CGB1: variants seen among roughly 807,000 people sequenced by gnomAD.
CGB1 encodes choriogonadotropin subunit beta variant 1.
CGB1 carries 4 observed loss-of-function variants against 7.0 expected under a neutral mutation model. The ratio of observed to expected loss-of-function variants is 0.57; its 90% confidence interval spans 0.28 to 1.31. The LOEUF (loss-of-function observed/expected upper bound fraction) is 1.31, where lower values mean the gene tolerates loss of function less well. Ranked by LOEUF, CGB1 falls within the 50% of genes most tolerant of loss-of-function variation. The pLI, the probability that CGB1 is intolerant of heterozygous loss-of-function variation, is 0.10. For synonymous variants in CGB1, 72 were observed against 96.4 expected (o/e 0.75, Z 1.48); for missense variants, 139 against 219.1 (o/e 0.63, Z 2.31).
chr19:49,036,193 G>A lies in CGB1; in HGVS notation c.120C>T (p.Gly40=), dbSNP rs148640164. ...INATLAVEKE[G]CPVCITVNTT... The stretch of plus-strand genomic sequence containing the variant: ...TGTTGACGGTGATGCACACGGGGCA[G>A]CCCTCCTTCTCCACAGCCAGGGTGG... The change falls in exon 2 of 3, where the codon GGC becomes GGT. Residue 40 remains glycine, a synonymous_variant. Coordinates refer to ENST00000301407, the MANE Select transcript of CGB1 (RefSeq NM_033377.2). 28 of 1,610,032 alleles carry A rather than the reference G, an allele frequency of 1.7e-5. No homozygotes were observed. The African/African-American group carries it at 3.5e-4, about 20-fold the overall frequency.
chr19:49,035,720 C>A lies in CGB1; in HGVS notation c.358G>T (p.Gly120Cys). The A allele has an allele frequency of 1.2e-6, 2 of 1,608,612 alleles. No homozygotes were observed. The highest frequency in any genetic ancestry group is 1.1e-5 in the South Asian group (1 of 90,818). ...CAGGTCAAGGGGTGGTCCTTGGGAC[C>A]CCCGCAGTCAGTGGTGCTGCGGCGG... ...LCRRSTTDCG[G>C]PKDHPLTCDD... is the part of the protein sequence containing the mutation. The change falls in exon 3 of 3, where the codon GGT (glycine) becomes TGT (cysteine). Residue 120 changes from glycine to cysteine, a missense_variant. Physicochemically the swap from Gly to Cys is radical, Grantham distance 159. This residue lies in a region of CGB1 where 60 missense variants were observed against 105.8 expected (regional missense o/e 0.57). Coordinates refer to ENST00000301407, the MANE Select transcript of CGB1 (RefSeq NM_033377.2).
In CGB1 at chr19:49,036,542, G is replaced by C. The variant is rs112028365; in HGVS notation, c.9+161C>G. 8.6e-3 allele frequency: 13,869 copies of C among 1,607,742 alleles called. 1,066 individuals are homozygous for C. The African/African-American group carries it at 0.16, about 19-fold the overall frequency. Reference sequence around the variant, plus strand: ...CTGACCCACCTGAAGCTTACTGGGGGTCACGCTCCTCCAGAAAGAGGCCTC... The same window carrying C: ...CTGACCCACCTGAAGCTTACTGGGGCTCACGCTCCTCCAGAAAGAGGCCTC... On this transcript the variant is annotated intron_variant, in intron 1 of 2. Transcript: ENST00000301407.
rs748079220 is a variant in CGB1 at position 49,035,619 on chromosome 19, C to A, written c.459G>T (p.Pro153=). The A allele has an allele frequency of 9.9e-6, 16 of 1,611,336 alleles. No individual in the cohort carries two copies. The highest frequency in any genetic ancestry group is 1.4e-5 in the Non-Finnish European group (16 of 1,179,898). The change falls in exon 3 of 3, where the codon CCG becomes CCT. Residue 153 remains proline, a synonymous_variant. Transcript: ENST00000301407. The stretch of plus-strand genomic sequence containing the variant: ...GGAGGATCGGGGTGTCCTAGGGCCC[C>A]GGGAGACGGGATGGACTTGGAAGGC... The part of the protein sequence containing the change: ...PPSLPSPSRL[P]GP
rs928009459 is a variant in CGB1 at position 49,036,858 on chromosome 19, T to G, written c.-147A>C. The stretch of plus-strand genomic sequence containing the variant: ...GCCAGAGTCAGCGGACCCAATTGGC[T>G]GCTCTCTCTCAGATGCAGTTCCCCT... On this transcript the variant is annotated 5_prime_UTR_variant, in exon 1 of 3. Transcript: ENST00000301407. 2.0e-4 allele frequency: 235 copies of G among 1,163,042 alleles called. 1 individual carries two copies. Among genetic ancestry groups the G allele is most frequent in the Non-Finnish European group, 2.8e-4 (219 of 788,280 alleles). 72.0% of individuals were successfully genotyped at this position (1,163,042 alleles called of 1,614,324 possible).
At position 49,036,313 on chromosome 19, in the gene CGB1, G is replaced by C. The variant is rs771200822; in HGVS notation, c.10-10C>G. 1 of 1,604,822 alleles carries C rather than the reference G, an allele frequency of 6.2e-7. No homozygotes were observed. The highest frequency in any genetic ancestry group is 1.3e-5 in the African/African-American group (1 of 74,754). On this transcript the variant is annotated splice_polypyrimidine_tract_variant and intron_variant, in intron 1 of 2. Transcript: ENST00000301407. ...GCAACAGCAGCAGCCTCTGGGGCAA[G>C]GACACTGCTTCACCCGGGTCTGAGA...
chr19:49,036,432 C>A, intron 1 of CGB1, 129 bp from the exon 2 acceptor site: 4 of 1,575,138 alleles, frequency 2.5e-6, no homozygotes, highest in South Asian at 2.3e-5. Flanking sequence ...CAGGACCCAC[C>A]ACCCGGACAC....
chr19:49,036,350 A>C, intron 1 of CGB1, 47 bp from the exon 2 acceptor site: 1 of 1,602,550 alleles, frequency 6.2e-7, no homozygotes, highest in Non-Finnish European at 8.5e-7. Context: ...TGCAGCCCCC[A>C]GTCCTGGCCT....
chr19:49,035,596 A>T lies in CGB1; in HGVS notation c.*14T>A, dbSNP rs1288631414. On this transcript the variant is annotated 3_prime_UTR_variant, in exon 3 of 3. Transcript: ENST00000301407. ...CGGATTGAGAAGCCTTTATTGTGGG[A>T]GGATCGGGGTGTCCTAGGGCCCCGG... is the stretch of plus-strand genomic sequence containing the variant. 6.2e-7 allele frequency: 1 copy of T among 1,611,874 alleles called. No homozygotes were observed. The highest frequency in any genetic ancestry group is 8.5e-7 in the Non-Finnish European group (1 of 1,179,920).
chr19:49,036,703 C>A lies in CGB1; in HGVS notation c.9G>T (p.Lys3Asn), dbSNP rs781245225. 39 of 1,613,956 alleles carry A rather than the reference C, an allele frequency of 2.4e-5. No homozygotes were observed. In the East Asian group the frequency reaches 8.0e-4, roughly 33 times the overall value. Residue 3 changes from lysine (K) to asparagine (N), a missense_variant and splice_region_variant, in exon 1 of 3, where the codon AAG becomes AAT. Lys to Asn is a moderately conservative substitution (Grantham distance 94). Transcript: ENST00000301407. ...GCCCGGAAATGTGGATCTACCCTACCTTTGACATGTCTCTCTCTTAGCGGG... is the reference window on the plus strand; with the variant it reads ...GCCCGGAAATGTGGATCTACCCTACATTTGACATGTCTCTCTCTTAGCGGG... MS[K>N]RLLLLLLLSM... is the part of the protein sequence containing the mutation.
intron 2 of CGB1, 109 bp from the exon 3 acceptor site, chr19:49,036,009 T>C: frequency 3.5e-6 from 5 of 1,415,020 alleles, no homozygotes; most frequent in South Asian, 2.6e-5. Context: ...GGAAGCCCTC[T>C]GTTCCTGCCC....
rs1273850342 is a variant in CGB1 at position 49,035,601 on chromosome 19, C to G, written c.*9G>C. 6 of 1,611,776 alleles carry G rather than the reference C, an allele frequency of 3.7e-6. No homozygotes were observed. In the Admixed American group the frequency reaches 1.0e-4, roughly 27 times the overall value. Reference sequence around the variant, plus strand: ...TGAGAAGCCTTTATTGTGGGAGGATCGGGGTGTCCTAGGGCCCCGGGAGAC... The same window carrying G: ...TGAGAAGCCTTTATTGTGGGAGGATGGGGGTGTCCTAGGGCCCCGGGAGAC... On this transcript the variant is annotated 3_prime_UTR_variant, in exon 3 of 3. Transcript: ENST00000301407.
In CGB1 at chr19:49,036,203, T is replaced by A. The variant is rs1478896026; in HGVS notation, c.110A>T (p.Glu37Val). Residue 37 changes from glutamate (E) to valine (V), a missense_variant, in exon 2 of 3, where the codon GAG (glutamate) becomes GTG (valine). This residue lies in a region of CGB1 where 11 missense variants were observed against 54.4 expected (regional missense o/e 0.20). Transcript: ENST00000301407. ...GATGCACACGGGGCAGCCCTCCTTC[T>A]CCACAGCCAGGGTGGCATTGATGGG... ...CRPINATLAV[E>V]KEGCPVCITV... is the part of the protein sequence containing the mutation. 1.9e-6 allele frequency: 3 copies of A among 1,609,838 alleles called. No individual in the cohort carries two copies. The highest frequency in any genetic ancestry group is 2.7e-5 in the African/African-American group (2 of 74,664).
intron 1 of CGB1, 116 bp from the exon 2 acceptor site, chr19:49,036,419 A>C (rs1419542891): frequency 3.3e-5 from 52 of 1,592,172 alleles, no homozygotes; most frequent in Non-Finnish European, 4.4e-5. Context: ...GGCATCTTCT[A>C]TTCAGGACCC....
In CGB1 at chr19:49,036,881, C is replaced by A; in HGVS notation, c.-170G>T. 1.1e-6 allele frequency: 1 copy of A among 918,342 alleles called. No homozygotes were observed. Among genetic ancestry groups the A allele is most frequent in the South Asian group, 1.5e-5 (1 of 65,844 alleles). 56.9% of individuals were successfully genotyped at this position (918,342 alleles called of 1,614,324 possible). Reference sequence around the variant, plus strand: ...GCTGCTCTCTCTCAGATGCAGTTCCCCTTCCTCCCTCCAGGGGGCGCCACG... The same window carrying A: ...GCTGCTCTCTCTCAGATGCAGTTCCACTTCCTCCCTCCAGGGGGCGCCACG... On this transcript the variant is annotated 5_prime_UTR_variant, in exon 1 of 3. Coordinates refer to ENST00000301407, the MANE Select transcript of CGB1 (RefSeq NM_033377.2).
intron 1 of CGB1, 26 bp from the exon 2 acceptor site, chr19:49,036,329 G>T (rs117503795): frequency 2.5e-6 from 4 of 1,601,808 alleles, no homozygotes; most frequent in Non-Finnish European, 3.4e-6. Flanking sequence ...TGCTTCACCC[G>T]GGTCTGAGAC....
chr19:49,036,399 G>A (rs747410032), intron 1 of CGB1, 96 bp from the exon 2 acceptor site: 4 of 1,600,150 alleles, frequency 2.5e-6, no homozygotes, highest in Non-Finnish European at 2.5e-6. Context: ...AAGACCCAGA[G>A]ACCCTTCCCG....
At position 49,036,691 on chromosome 19, in the gene CGB1, G is replaced by A. The variant is rs1568660206; in HGVS notation, c.9+12C>T. ...TCCATCTTTGGTGCCCGGAAATGTGGATCTACCCTACCTTTGACATGTCTC... is the reference window on the plus strand; with the variant it reads ...TCCATCTTTGGTGCCCGGAAATGTGAATCTACCCTACCTTTGACATGTCTC... On this transcript the variant is annotated intron_variant, in intron 1 of 2. Coordinates refer to ENST00000301407, the MANE Select transcript of CGB1 (RefSeq NM_033377.2). 3 of 1,613,952 alleles carry A rather than the reference G, an allele frequency of 1.9e-6. No individual in the cohort carries two copies. Among genetic ancestry groups the A allele is most frequent in the East Asian group, 2.2e-5 (1 of 44,880 alleles).
intron 1 of CGB1, 195 bp downstream of exon 1, chr19:49,036,508 C>A (rs1162386281): frequency 5.7e-6 from 9 of 1,585,724 alleles, no homozygotes; most frequent in Non-Finnish European, 7.7e-6. Context: ...AGATCCGCAC[C>A]CTCAGGAACT....
Position 49,035,894 on chromosome 19 carries a change from C to A in CGB1, c.184G>T (p.Val62Leu). 7.3e-7 allele frequency: 1 copy of A among 1,369,610 alleles called. No individual in the cohort carries two copies. The highest frequency in any genetic ancestry group is 2.6e-4 in the Middle Eastern group (1 of 3,902). 84.8% of individuals were successfully genotyped at this position (1,369,610 alleles called of 1,614,324 possible). ...AGGGCCGGCAGGACCCCCTGCAGCACGCGGGTCTGGAAGCCGTGTGAGTGG... is the reference window on the plus strand; with the variant it reads ...AGGGCCGGCAGGACCCCCTGCAGCAAGCGGGTCTGGAAGCCGTGTGAGTGG... ...CAGYCPTMTR[V>L]LQGVLPALPQ... The change falls in exon 3 of 3, where the codon GTG (valine) becomes TTG (leucine). Residue 62 changes from valine (V) to leucine (L), a missense_variant. Physicochemically the swap from Val to Leu is conservative, Grantham distance 32 (BLOSUM62 1). This residue lies in a region of CGB1 where 60 missense variants were observed against 105.8 expected (regional missense o/e 0.57). Coordinates refer to ENST00000301407, the MANE Select transcript of CGB1 (RefSeq NM_033377.2).
Sources: allele counts gnomAD v4.1 joint callset, GRCh38; gene constraint gnomAD v4.1.1; regional missense constraint gnomAD v4.1.1; transcripts MANE v1.5; gene names NCBI Gene and HGNC (gene_info 2026-07-23, HGNC 2026-07-21).